Variants in IQGAP1 observed in about 807,000 individuals in gnomAD.
IQGAP1 encodes ras GTPase-activating-like protein IQGAP1.
A neutral mutation model predicts 215.6 loss-of-function variants in IQGAP1; 66 were observed. That is an observed-to-expected ratio of 0.31 (90% CI 0.25 to 0.38). IQGAP1 has a LOEUF of 0.38. Ranked by LOEUF, IQGAP1 falls within the 10% of genes least tolerant of loss-of-function variation. The pLI is 1.00. For synonymous variants in IQGAP1, 772 were observed against 728.7 expected (o/e 1.06, Z -0.96); for missense variants, 1,712 against 1,997.1 (o/e 0.86, Z 2.72).
intron 2 of IQGAP1, among the ~76,000 whole-genome samples, chr15:90,408,714 A>AT (rs1567116294): frequency 6.6e-6 from 1 of 152,040 alleles, no homozygotes. Flanking sequence ...GATGACATCT[A>AT]TTTTCTCTCA....
At chr15:90,397,888 C>CTTTTTTTTT (rs763133807) in intron 2 of IQGAP1, 4 of 44,372 alleles carry the variant, frequency 9.0e-5, no homozygotes, top group African/African-American at 3.7e-4. Flanking sequence ...TTTTTTTTTT[C>CTTTTTTTTT]TTTTTTTTTT....
At chr15:90,432,827 C>T (rs1485195936) in intron 4 of IQGAP1, among the ~76,000 whole-genome samples, 1 of 152,112 alleles carries the variant, frequency 6.6e-6, no homozygotes, top group Non-Finnish European at 1.5e-5. Context: ...TTCTCCGAAC[C>T]ACTGTCACCC....
In IQGAP1 at chr15:90,449,547, T is replaced by C. The variant is rs1965571936; in HGVS notation, c.1078-12T>C. On this transcript the variant is annotated splice_polypyrimidine_tract_variant and intron_variant, in intron 10 of 37. Coordinates refer to ENST00000268182, the MANE Select transcript of IQGAP1 (RefSeq NM_003870.4). ...TGAGTAATCTTTACATAATTTTCTTTGCTTTGCTCAGAGTGGTCAGACTGA... is the reference window on the plus strand; with the variant it reads ...TGAGTAATCTTTACATAATTTTCTTCGCTTTGCTCAGAGTGGTCAGACTGA... 2.5e-6 allele frequency: 4 copies of C among 1,606,478 alleles called. No individual in the cohort carries two copies. Among genetic ancestry groups the C allele is most frequent in the Non-Finnish European group, 1.7e-6 (2 of 1,176,260 alleles).
At chr15:90,454,625 A>G (rs533604594) in intron 14 of IQGAP1, 73 bp downstream of exon 14, 8 of 1,444,118 alleles carry the variant, frequency 5.5e-6, no homozygotes, top group South Asian at 2.9e-5. Flanking sequence ...GTGGTTCAAA[A>G]TACTACTCCT....
chr15:90,415,527 T>A (rs1021498571), intron 2 of IQGAP1, among the ~76,000 whole-genome samples: 5 of 152,198 alleles, frequency 3.3e-5, no homozygotes, highest in South Asian at 2.1e-4. Flanking sequence ...TTTTCTTTTT[T>A]AAAAAATTCT....
At chr15:90,438,188 A>C (rs75045594) in intron 5 of IQGAP1, among the ~76,000 whole-genome samples, 2 of 152,074 alleles carry the variant, frequency 1.3e-5, no homozygotes, top group African/African-American at 4.8e-5. Context: ...TATTTCTTAT[A>C]TATTTCTTAT....
At chr15:90,421,471 G>A (rs1324623310) in intron 2 of IQGAP1, among the ~76,000 whole-genome samples, 1 of 133,596 alleles carries the variant, frequency 7.5e-6, no homozygotes, top group Non-Finnish European at 1.6e-5. Context: ...GCGAGACTCC[G>A]TTTCAAAAAA....
intron 22 of IQGAP1, 106 bp from the exon 23 acceptor site, chr15:90,474,379 C>T (rs1965948949): frequency 1.6e-5 from 15 of 965,146 alleles, no homozygotes; most frequent in South Asian, 5.6e-5. Flanking sequence ...TAGCACATCT[C>T]AAAATTAAAT....
intron 5 of IQGAP1, among the ~76,000 whole-genome samples, chr15:90,438,378 T>C (rs376731366): frequency 2.0e-5 from 3 of 152,326 alleles, no homozygotes; most frequent in South Asian, 2.1e-4. Context: ...TTAATGTTTA[T>C]TAATATATGC....
Position 90,426,057 on chromosome 15 carries a change from G to A in IQGAP1, c.156-53G>A, listed in dbSNP as rs1022018459. The stretch of plus-strand genomic sequence containing the variant: ...GGAAATAAAGCTTAAAATCTCTAAG[G>A]AAAAGTTCTGACCTTCCCTTTCTTT... On this transcript the variant is annotated intron_variant, in intron 2 of 37. Transcript: ENST00000268182. 97 of 1,537,910 alleles carry A rather than the reference G, an allele frequency of 6.3e-5. 2 individuals are homozygous for A. In the South Asian group the frequency reaches 1.1e-3, roughly 18 times the overall value.
At chr15:90,391,432 G>C (rs1324474838) in intron 2 of IQGAP1, 1 of 152,248 alleles carries the variant, frequency 6.6e-6, no homozygotes, top group Non-Finnish European at 1.5e-5. Context: ...TCAGTCTTAT[G>C]CTTATTGTGC....
intron 9 of IQGAP1, among the ~76,000 whole-genome samples, chr15:90,443,834 C>T (rs1567128027): frequency 1.3e-5 from 2 of 152,114 alleles, no homozygotes; most frequent in African/African-American, 2.4e-5. Flanking sequence ...GAGGCTAAGG[C>T]GGGTGGATCA....
At chr15:90,448,804 A>G (rs1339152460) in intron 10 of IQGAP1, 68 bp downstream of exon 10, 1 of 1,269,468 alleles carries the variant, frequency 7.9e-7, no homozygotes, top group Non-Finnish European at 1.0e-6. Flanking sequence ...GCTGTCATTT[A>G]AAGATATATA....
chr15:90,454,318 A>T, intron 13 of IQGAP1, 110 bp from the exon 14 acceptor site: 1 of 1,311,586 alleles, frequency 7.6e-7, no homozygotes. Context: ...GCAGTTCCAA[A>T]ACTGGTCTTG....
intron 11 of IQGAP1, among the ~76,000 whole-genome samples, chr15:90,450,017 GTTC>G (rs1567130303): frequency 6.6e-6 from 1 of 152,134 alleles, no homozygotes; most frequent in East Asian, 1.9e-4. Context: ...GAACATTCCA[GTTC>G]TTCTGTTTTG....
chr15:90,410,635 A>G (rs568153407), intron 2 of IQGAP1, among the ~76,000 whole-genome samples: 2 of 148,462 alleles, frequency 1.3e-5, no homozygotes, highest in African/African-American at 2.5e-5. Context: ...GAATTGAACA[A>G]TGAAAACACA....
intron 13 of IQGAP1, 61 bp from the exon 14 acceptor site, chr15:90,454,367 G>A (rs1965649153): frequency 2.5e-6 from 4 of 1,601,304 alleles, no homozygotes; most frequent in Non-Finnish European, 3.4e-6. Flanking sequence ...AGCAATCTTT[G>A]TTCCTTGAAT....
At chr15:90,497,187 A>T (rs369748471) in intron 36 of IQGAP1, 45 bp from the exon 37 acceptor site, 1 of 976,538 alleles carries the variant, frequency 1.0e-6, no homozygotes, top group Non-Finnish European at 1.6e-6. Flanking sequence ...ATATTTTTAT[A>T]TGAGAATATA....
At chr15:90,414,055 A>G (rs771221384) in intron 2 of IQGAP1, among the ~76,000 whole-genome samples, 3 of 152,064 alleles carry the variant, frequency 2.0e-5, no homozygotes, top group South Asian at 2.1e-4. Context: ...TTTTTCCACA[A>G]TCATTTAAAA....
Sources: allele counts gnomAD v4.1 joint callset (sites outside exome capture counted in the v4.1 genomes callset), GRCh38; gene constraint gnomAD v4.1.1; transcripts MANE v1.5; gene names NCBI Gene and HGNC (gene_info 2026-07-23, HGNC 2026-07-21).